Variants in RAB28 observed in about 807,000 individuals in gnomAD.
The protein encoded by RAB28 is RAB28, member RAS oncogene family, also known as ras-related protein Rab-28.
Under a neutral mutation model 31.7 loss-of-function variants are expected in RAB28, and 24 were observed. The ratio of observed to expected loss-of-function variants is 0.76; its 90% CI spans 0.55 to 1.06. The LOEUF (loss-of-function observed/expected upper bound fraction) is 1.06. Among genes scored for constraint, RAB28 ranks in the 50% least tolerant of loss-of-function variants. RAB28 has a pLI of 0.00. For missense variants in RAB28, 254 were observed against 258.5 expected (o/e 0.98, Z 0.12); for synonymous variants, 100 against 90.4 (o/e 1.11, Z -0.60).
intron 4 of RAB28, among the ~76,000 whole-genome samples, chr4:13,439,235 T>A (rs760603433): frequency 7.2e-5 from 11 of 152,260 alleles, no homozygotes; most frequent in Non-Finnish European, 1.3e-4. Flanking sequence ...TTCTTGCTAA[T>A]GTCCTTTGAC....
chr4:13,378,686 G>C (rs1238317499), intron 5 of RAB28, among the ~76,000 whole-genome samples: 3 of 152,158 alleles, frequency 2.0e-5, no homozygotes, highest in African/African-American at 7.2e-5. Flanking sequence ...AATGGGACTA[G>C]TACACAATGG....
At chr4:13,418,583 G>A (rs1033537176) in intron 4 of RAB28, among the ~76,000 whole-genome samples, 2 of 152,208 alleles carry the variant, frequency 1.3e-5, no homozygotes, top group African/African-American at 4.8e-5. Context: ...CCAGAAGACA[G>A]CAGGGGCCAA....
At chr4:13,469,943 G>C (rs1355783348) in intron 3 of RAB28, among the ~76,000 whole-genome samples, 1 of 151,960 alleles carries the variant, frequency 6.6e-6, no homozygotes, top group African/African-American at 2.4e-5. Flanking sequence ...GGCCTACCTT[G>C]GCCCTCTAAA....
intron 1 of RAB28, among the ~76,000 whole-genome samples, chr4:13,481,406 C>T (rs768988847): frequency 6.6e-5 from 10 of 152,004 alleles, no homozygotes; most frequent in Admixed American, 2.0e-4. Context: ...AGACTGCATG[C>T]TATCTTTCAC....
chr4:13,377,790 G>T lies in RAB28; in HGVS notation c.496-1168C>A, dbSNP rs1416587593. The stretch of plus-strand genomic sequence containing the variant: ...GAGGCTGAACCAAAGTGGTAGAAGT[G>T]GACAAAGTAAGAAACAGTCATCAGG... On this transcript the variant is annotated intron_variant, in intron 5 of 6. Coordinates refer to ENST00000330852, the MANE Select transcript of RAB28 (RefSeq NM_001017979.3). Among the ~76,000 whole-genome samples, 3 of 152,282 alleles carry T rather than the reference G, an allele frequency of 2.0e-5. No homozygotes were observed. In the East Asian group the frequency reaches 5.8e-4, roughly 29 times the overall value.
chr4:13,415,214 A>T (rs993022057), intron 4 of RAB28, among the ~76,000 whole-genome samples: 1 of 152,190 alleles, frequency 6.6e-6, no homozygotes, highest in African/African-American at 2.4e-5. Flanking sequence ...GAAAATATGT[A>T]AGTAGTATTG....
intron 4 of RAB28, among the ~76,000 whole-genome samples, chr4:13,447,514 CT>C (rs1191152403): frequency 6.6e-6 from 1 of 152,152 alleles, no homozygotes; most frequent in Non-Finnish European, 1.5e-5. Flanking sequence ...AATTGATTTA[CT>C]TACACTGCAA....
chr4:13,399,493 C>A (rs966757772), intron 4 of RAB28, among the ~76,000 whole-genome samples: 6 of 152,134 alleles, frequency 3.9e-5, no homozygotes, highest in Non-Finnish European at 7.4e-5. Flanking sequence ...TATGAATGTT[C>A]AACTTTGCAG....
intron 1 of RAB28, among the ~76,000 whole-genome samples, chr4:13,482,814 AT>A (rs1716672545): frequency 6.6e-6 from 1 of 152,198 alleles, no homozygotes; most frequent in African/African-American, 2.4e-5. Context: ...TGCATATAAA[AT>A]TTTACATCTT....
At chr4:13,389,667 T>A (rs1729540004) in intron 4 of RAB28, among the ~76,000 whole-genome samples, 1 of 152,148 alleles carries the variant, frequency 6.6e-6, no homozygotes, top group Non-Finnish European at 1.5e-5. Flanking sequence ...GAAGGCAAAT[T>A]GAACACATAT....
intron 3 of RAB28, among the ~76,000 whole-genome samples, chr4:13,469,081 A>G (rs1400582186): frequency 6.6e-6 from 1 of 151,970 alleles, no homozygotes; most frequent in South Asian, 2.1e-4. Context: ...GCCATAATAC[A>G]AGCACCCTCA....
intron 4 of RAB28, among the ~76,000 whole-genome samples, chr4:13,452,755 G>A (rs1341334774): frequency 1.3e-5 from 2 of 152,006 alleles, no homozygotes; most frequent in Non-Finnish European, 2.9e-5. Flanking sequence ...TGTTGGGCAG[G>A]TGAAATGTTC....
intron 6 of RAB28, among the ~76,000 whole-genome samples, chr4:13,372,977 A>C (rs1728772554): frequency 1.3e-5 from 2 of 152,088 alleles, no homozygotes; most frequent in South Asian, 4.1e-4. Flanking sequence ...ACATGATAGA[A>C]ATTTTTGGTA....
chr4:13,418,286 C>T (rs751023362), intron 4 of RAB28, among the ~76,000 whole-genome samples: 1 of 152,100 alleles, frequency 6.6e-6, no homozygotes, highest in Non-Finnish European at 1.5e-5. Context: ...ATTGGTGTAC[C>T]TGAAAGTGAT....
intron 4 of RAB28, among the ~76,000 whole-genome samples, chr4:13,426,400 C>T (rs1044198332): frequency 2.0e-5 from 3 of 151,636 alleles, no homozygotes; most frequent in Non-Finnish European, 2.9e-5. Flanking sequence ...ATGAGAATTA[C>T]GAAGAAAAAA....
intron 4 of RAB28, among the ~76,000 whole-genome samples, chr4:13,435,017 C>CAAAAAA (rs991889676): frequency 1.7e-4 from 8 of 46,952 alleles, no homozygotes; most frequent in Admixed American, 4.7e-4. Flanking sequence ...GACTCCGTCT[C>CAAAAAA]AAAAAAAAAA....
chr4:13,461,660 A>C (rs533588768), intron 3 of RAB28, among the ~76,000 whole-genome samples: 2 of 152,224 alleles, frequency 1.3e-5, no homozygotes, highest in East Asian at 3.9e-4. Flanking sequence ...TATTCCTTTT[A>C]ATTTATCTCA....
At chr4:13,405,931 A>G (rs929573196) in intron 4 of RAB28, among the ~76,000 whole-genome samples, 2 of 152,216 alleles carry the variant, frequency 1.3e-5, no homozygotes, top group Non-Finnish European at 2.9e-5. Context: ...ATAATTATAA[A>G]TAGAAAAATG....
At chr4:13,405,238 T>C (rs1712008590) in intron 4 of RAB28, among the ~76,000 whole-genome samples, 1 of 152,144 alleles carries the variant, frequency 6.6e-6, no homozygotes, top group East Asian at 1.9e-4. Flanking sequence ...TATTACTAAA[T>C]GATACATTTT....
Sources: allele counts gnomAD v4.1 joint callset (sites outside exome capture counted in the v4.1 genomes callset), GRCh38; gene constraint gnomAD v4.1.1; transcripts MANE v1.5; gene names NCBI Gene and HGNC (gene_info 2026-07-23, HGNC 2026-07-21).